PARVB: variants seen among roughly 807,000 people sequenced by gnomAD.
PARVB encodes beta-parvin.
A neutral mutation model predicts 47.0 loss-of-function variants in PARVB; 46 were observed. The ratio of observed to expected loss-of-function variants is 0.98; its 90% CI spans 0.77 to 1.25. The LOEUF is 1.25. PARVB is among the 50% of genes most tolerant of loss of function. PARVB has a pLI of 0.00. For synonymous variants in PARVB, 196 were observed against 196.3 expected (o/e 1.00, Z 0.01); for missense variants, 473 against 471.6 (o/e 1.00, Z -0.03).
intron 1 of PARVB, among the ~76,000 whole-genome samples, chr22:44,047,660 A>G (rs1402492325): frequency 6.6e-6 from 1 of 151,904 alleles, no homozygotes; most frequent in Non-Finnish European, 1.5e-5. Context: ...GACTCCATCT[A>G]AAAAAAATAA....
At chr22:44,028,661 C>T (rs1044613071) in intron 1 of PARVB, among the ~76,000 whole-genome samples, 1 of 152,186 alleles carries the variant, frequency 6.6e-6, no homozygotes, top group Non-Finnish European at 1.5e-5. Flanking sequence ...CATTTGAGCT[C>T]AATTGCTGGA....
At chr22:44,036,980 C>A (rs1287090191) in intron 1 of PARVB, among the ~76,000 whole-genome samples, 1 of 150,420 alleles carries the variant, frequency 6.6e-6, no homozygotes, top group Non-Finnish European at 1.5e-5. Flanking sequence ...TGAGGCCCTG[C>A]ATCAAAATAA....
At position 44,094,021 on chromosome 22, in the gene PARVB, C is replaced by CG; in HGVS notation, c.202+9dup. ...CACCCTGAAGACACCCAGCTTGGTA[C>CG]GGGGGTTCCTCCGCTCCCTGCCCTG... On this transcript the variant is annotated splice_donor_region_variant and intron_variant, in intron 2 of 12. Coordinates refer to ENST00000338758, the MANE Select transcript of PARVB (RefSeq NM_013327.5). 1 of 1,570,676 alleles carries CG rather than the reference C, an allele frequency of 6.4e-7. No homozygotes were observed. The highest frequency in any genetic ancestry group is 8.8e-7 in the Non-Finnish European group (1 of 1,142,426).
chr22:44,164,416 C>CCT (rs1555913763), intron 12 of PARVB, among the ~76,000 whole-genome samples: 9 of 127,874 alleles, frequency 7.0e-5, no homozygotes, highest in Non-Finnish European at 1.1e-4. Context: ...CTGTCCCCCC[C>CCT]CCGGCTCCTG....
chr22:44,082,674 G>T (rs2051933192), intron 1 of PARVB, among the ~76,000 whole-genome samples: 1 of 152,148 alleles, frequency 6.6e-6, no homozygotes, highest in Non-Finnish European at 1.5e-5. Flanking sequence ...TTCTCGCCCA[G>T]GTGGGTTAGA....
At chr22:43,999,374 G>C in exon 1 of PARVB, 1 of 1,610,922 alleles carries the variant, frequency 6.2e-7, no homozygotes, top group Non-Finnish European at 8.5e-7. Context: ...CCAAAGAGGA[G>C]AGAAAAGGGG....
rs567162463 is a variant in PARVB, at chr22:44,045,489, C to T, written c.112+21038C>T. On this transcript the variant is annotated intron_variant, in intron 1 of 12. Transcript: ENST00000338758. Reference sequence around the variant, plus strand: ...ACTCCTGTTTGCTCATTCAGTTATTCATTGATCACCCTGTCTTCCAGGCAT... The same window carrying T: ...ACTCCTGTTTGCTCATTCAGTTATTTATTGATCACCCTGTCTTCCAGGCAT... Among the ~76,000 whole-genome samples the T allele has an allele frequency of 6.5e-4, 99 of 152,268 alleles. 1 individual carries two copies. The highest frequency in any genetic ancestry group is 2.3e-3 in the African/African-American group (97 of 41,540).
chr22:44,081,764 G>A (rs1279825904), intron 1 of PARVB: 2 of 247,548 alleles, frequency 8.1e-6, no homozygotes, highest in African/African-American at 2.3e-5. Context: ...GGCGGTGACG[G>A]TGACACACGC....
At chr22:44,130,067 C>G (rs1376461346) in intron 4 of PARVB, among the ~76,000 whole-genome samples, 2 of 152,218 alleles carry the variant, frequency 1.3e-5, no homozygotes, top group African/African-American at 4.8e-5. Flanking sequence ...TGGGGGCCTC[C>G]AGCTAAAATG....
At chr22:44,083,280 A>G (rs1366945806) in intron 1 of PARVB, among the ~76,000 whole-genome samples, 1 of 152,224 alleles carries the variant, frequency 6.6e-6, no homozygotes, top group Non-Finnish European at 1.5e-5. Context: ...TTTGGCCTAC[A>G]TAAGCTTAGC....
At chr22:44,033,122 T>C (rs1399047158) in intron 1 of PARVB, among the ~76,000 whole-genome samples, 1 of 152,190 alleles carries the variant, frequency 6.6e-6, no homozygotes, top group Non-Finnish European at 1.5e-5. Flanking sequence ...AGAGTCCTGC[T>C]CTGTTGCCTA....
intron 4 of PARVB, among the ~76,000 whole-genome samples, chr22:44,122,737 C>T (rs1569134794): frequency 1.3e-5 from 2 of 152,148 alleles, no homozygotes; most frequent in African/African-American, 4.8e-5. Flanking sequence ...CCTTTTATTC[C>T]TTGCATAAAA....
intron 6 of PARVB, among the ~76,000 whole-genome samples, chr22:44,135,080 G>A (rs1413449433): frequency 2.0e-5 from 3 of 152,128 alleles, no homozygotes; most frequent in Non-Finnish European, 2.9e-5. Flanking sequence ...CTCAGGAAAG[G>A]GATGGAAGCC....
intron 9 of PARVB, chr22:44,150,456 GA>G (rs1420157566): frequency 1.3e-5 from 2 of 151,884 alleles, no homozygotes; most frequent in African/African-American, 4.8e-5. Context: ...TGGATCACCT[GA>G]GGTCTGGAGT....
At chr22:44,043,241 C>T (rs1351454426) in intron 1 of PARVB, among the ~76,000 whole-genome samples, 3 of 152,042 alleles carry the variant, frequency 2.0e-5, no homozygotes, top group Admixed American at 2.0e-4. Context: ...GTTCCCAAAG[C>T]CTGGGGAAGG....
At chr22:44,102,970 T>TG (rs1349699801) in intron 3 of PARVB, 1 of 152,662 alleles carries the variant, frequency 6.6e-6, no homozygotes, top group Non-Finnish European at 1.5e-5. Flanking sequence ...TGAGTGCGTG[T>TG]GGGGTCCTGT....
chr22:44,087,473 G>A (rs756939264), intron 1 of PARVB, among the ~76,000 whole-genome samples: 2 of 152,202 alleles, frequency 1.3e-5, no homozygotes, highest in South Asian at 2.1e-4. Context: ...TTGCAGGGGC[G>A]CCTTGCCATC....
chr22:44,039,049 GAGA>G (rs1368268257), intron 1 of PARVB, among the ~76,000 whole-genome samples: 14 of 152,192 alleles, frequency 9.2e-5, no homozygotes, highest in African/African-American at 2.4e-5. Context: ...AAATGCACAT[GAGA>G]AGAACAGGGA....
intron 2 of PARVB, among the ~76,000 whole-genome samples, chr22:44,006,623 C>T (rs1034503500): frequency 4.6e-5 from 7 of 152,048 alleles, no homozygotes; most frequent in South Asian, 2.1e-4. Flanking sequence ...GACTACATCT[C>T]GGAAAAGAAA....
Sources: allele counts gnomAD v4.1 joint callset (sites outside exome capture counted in the v4.1 genomes callset), GRCh38; gene constraint gnomAD v4.1.1; transcripts MANE v1.5; gene names NCBI Gene and HGNC (gene_info 2026-07-23, HGNC 2026-07-21).